LONP1: variants seen among roughly 807,000 people sequenced by gnomAD.
LONP1 encodes lon protease homolog, mitochondrial.
In LONP1, 31 loss-of-function variants were observed where a neutral mutation model predicts 98.5. The observed-to-expected ratio is 0.31, with a 90% CI of 0.24 to 0.42. The LOEUF is 0.42. Among genes scored for constraint, LONP1 ranks in the 20% least tolerant of loss-of-function variants. LONP1 has a pLI of 1.00. For missense variants in LONP1, 1,336 were observed against 1,350.6 expected, an observed-to-expected ratio of 0.99 and a Z score of 0.17; for synonymous variants, 781 against 594.7, an observed-to-expected ratio of 1.31 and a Z score of -4.56.
intron 8 of LONP1, among the ~76,000 whole-genome samples, chr19:5,702,260 G>A (rs1294076993): frequency 3.0e-5 from 4 of 133,750 alleles, no homozygotes; most frequent in Admixed American, 7.7e-5. Context: ...GTTGGGGGGG[G>A]GGTCAGCCCC....
At chr19:5,704,757 G>T (rs1006274) in intron 8 of LONP1, among the ~76,000 whole-genome samples, 31,208 of 152,214 alleles carry the variant, frequency 0.21, 3,402 homozygotes, top group Middle Eastern at 0.32. Flanking sequence ...CCCGGGCAAG[G>T]CCAGTGCTGC....
intron 5 of LONP1, chr19:5,708,031 T>G: frequency 1.6e-6 from 1 of 640,272 alleles, no homozygotes; most frequent in Non-Finnish European, 2.7e-6. Flanking sequence ...TGCAGCATCC[T>G]CACGTGCAGC....
chr19:5,720,171 T>G, upstream of LONP1: 1 of 1,385,328 alleles, frequency 7.2e-7, no homozygotes, highest in Non-Finnish European at 9.3e-7. Context: ...CTCGCGTCAT[T>G]TCCGCTCGCC....
At chr19:5,707,534 A>G (rs991849226) in intron 6 of LONP1, among the ~76,000 whole-genome samples, 163 bp downstream of exon 6, 2 of 152,130 alleles carry the variant, frequency 1.3e-5, no homozygotes, top group Admixed American at 1.3e-4. Context: ...TCAAAAACAG[A>G]GCCAGGGACA....
rs1414495718 is a variant in LONP1 at position 5,696,706 on chromosome 19, C to T, written c.1737G>A (p.Lys579=). The change falls in exon 11 of 18, where the codon AAG becomes AAA. Residue 579 remains lysine (K), a synonymous_variant. Coordinates refer to ENST00000360614, the MANE Select transcript of LONP1 (RefSeq NM_004793.4). ...GGATCAGGGGGTTCTCCGTCTTGGTCTTCTTCAAACACTGGATGATCTTCC... is the reference window on the plus strand; with the variant it reads ...GGATCAGGGGGTTCTCCGTCTTGGTTTTCTTCAAACACTGGATGATCTTCC... The part of the protein sequence containing the change: ...MPGKIIQCLK[K]TKTENPLILI... The T allele has an allele frequency of 5.6e-6, 9 of 1,613,552 alleles. No homozygotes were observed. Among genetic ancestry groups the T allele is most frequent in the Non-Finnish European group, 5.9e-6 (7 of 1,179,950 alleles).
At chr19:5,696,507 C>T (rs1015872970) in intron 11 of LONP1, 136 bp from the exon 12 acceptor site, 26 of 1,340,628 alleles carry the variant, frequency 1.9e-5, no homozygotes, top group African/African-American at 4.3e-5. Flanking sequence ...GGGCAGCCTG[C>T]TGGGCGTGGC....
chr19:5,711,225 G>A (rs545439757), intron 4 of LONP1, among the ~76,000 whole-genome samples: 5 of 152,334 alleles, frequency 3.3e-5, no homozygotes, highest in African/African-American at 9.6e-5. Flanking sequence ...CAGGCACACA[G>A]GTAAGGAGCT....
Position 5,711,983 on chromosome 19 carries a change from G to A in LONP1, c.658C>T (p.Leu220=). ...GHRRVHISRQ[L]EVEPEEPEAE... is the part of the protein sequence containing the mutation. ...TCCGGCTCCTCGGGCTCCACCTCCA[G>A]CTGTCTGCTGATATGGACTCTGACA... Residue 220 remains leucine, a synonymous_variant, in exon 4 of 18, where the codon CTG becomes TTG. Transcript: ENST00000360614. 1 of 1,612,820 alleles carries A rather than the reference G, an allele frequency of 6.2e-7. No individual in the cohort carries two copies. Among genetic ancestry groups the A allele is most frequent in the Non-Finnish European group, 8.5e-7 (1 of 1,179,846 alleles).
chr19:5,714,622 T>C (rs2055286588), intron 1 of LONP1, among the ~76,000 whole-genome samples: 2 of 147,630 alleles, frequency 1.4e-5, no homozygotes, highest in African/African-American at 2.5e-5. Flanking sequence ...GCTTTTCTTT[T>C]TTTTTTTTTT....
At chr19:5,708,564 C>T (rs1439156445) in intron 4 of LONP1, 161 bp from the exon 5 acceptor site, 2 of 379,138 alleles carry the variant, frequency 5.3e-6, no homozygotes, top group African/African-American at 2.4e-5. Flanking sequence ...TGGAGGAGTG[C>T]AGTCCCTGGT....
intron 1 of LONP1, among the ~76,000 whole-genome samples, chr19:5,716,259 C>CATATATATATATGTATAT (rs2055318123): frequency 1.3e-5 from 1 of 77,234 alleles, no homozygotes; most frequent in African/African-American, 5.3e-5. Context: ...TTAAAATATA[C>CATATATATATATGTATAT]ATATATATAT....
At position 5,699,013 on chromosome 19, in the gene LONP1, C is replaced by G; in HGVS notation, c.1685+14G>C. On this transcript the variant is annotated intron_variant, in intron 10 of 17. Coordinates refer to ENST00000360614, the MANE Select transcript of LONP1 (RefSeq NM_004793.4). ...GAGGGGAGTGCGTGGGGAGAGCTGT[C>G]AGGCCAGGCCTACCTGTGGCCCTTG... 1 of 1,591,910 alleles carries G rather than the reference C, an allele frequency of 6.3e-7. No individual in the cohort carries two copies. Among genetic ancestry groups the G allele is most frequent in the Non-Finnish European group, 8.6e-7 (1 of 1,166,772 alleles).
chr19:5,706,991 G>A (rs1235012950), intron 7 of LONP1, 69 bp downstream of exon 7: 1 of 1,337,754 alleles, frequency 7.5e-7, no homozygotes, highest in Non-Finnish European at 1.0e-6. Flanking sequence ...GTGCTCCAGA[G>A]CCTGACTGAT....
At position 5,696,184 on chromosome 19, in the gene LONP1, C is replaced by T; in HGVS notation, c.1897-14G>A. On this transcript the variant is annotated splice_polypyrimidine_tract_variant and intron_variant, in intron 12 of 17. Coordinates refer to ENST00000360614, the MANE Select transcript of LONP1 (RefSeq NM_004793.4). ...GATGAACAGCACCTGGGGGCGGCGG[C>T]AAGGTGCTGGGGGACTGGCCGCTTA... 6.2e-7 allele frequency: 1 copy of T among 1,612,878 alleles called. No individual in the cohort carries two copies. Among genetic ancestry groups the T allele is most frequent in the Non-Finnish European group, 8.5e-7 (1 of 1,179,870 alleles).
chr19:5,695,091 G>A (rs890751796), intron 13 of LONP1, among the ~76,000 whole-genome samples, 190 bp from the exon 14 acceptor site: 9 of 152,024 alleles, frequency 5.9e-5, no homozygotes, highest in African/African-American at 2.2e-4. Context: ...GCCTTTGCTT[G>A]TGCTGCGTCC....
Position 5,694,483 on chromosome 19 carries a change from G to C in LONP1, c.2224C>G (p.Leu742Val). The change falls in exon 15 of 18, where the codon CTG becomes GTG. Residue 742 changes from leucine (L) to valine (V), a missense_variant. Leu to Val is a conservative substitution (Grantham distance 32). Coordinates refer to ENST00000360614, the MANE Select transcript of LONP1 (RefSeq NM_004793.4). ...ACGGGCTTCCCCACGAAGTCCTGCA[G>C]GTTCTCGGGCGTCACCTCCACGGAC... is the stretch of plus-strand genomic sequence containing the variant. ...AESVEVTPENLQDFVGKPVFT... is the reference protein window; with the variant it reads ...AESVEVTPENVQDFVGKPVFT... 6.2e-7 allele frequency: 1 copy of C among 1,613,442 alleles called. No individual in the cohort carries two copies. Among genetic ancestry groups the C allele is most frequent in the Non-Finnish European group, 8.5e-7 (1 of 1,180,012 alleles).
intron 2 of LONP1, among the ~76,000 whole-genome samples, chr19:5,713,859 G>A (rs373727315): frequency 2.0e-5 from 3 of 152,102 alleles, no homozygotes; most frequent in Non-Finnish European, 2.9e-5. Flanking sequence ...CCCCACGCCC[G>A]GCCCATGGAA....
chr19:5,710,422 G>A (rs1045613488), intron 4 of LONP1, among the ~76,000 whole-genome samples: 1 of 150,666 alleles, frequency 6.6e-6, no homozygotes, highest in Admixed American at 6.6e-5. Flanking sequence ...TAGATACAGG[G>A]TCTCACTCTG....
chr19:5,692,621 A>C (rs907979227), intron 17 of LONP1, among the ~76,000 whole-genome samples: 1 of 152,060 alleles, frequency 6.6e-6, no homozygotes, highest in African/African-American at 2.4e-5. Flanking sequence ...CGGAGGCTAC[A>C]CATATCTGGA....
Sources: allele counts gnomAD v4.1 joint callset (sites outside exome capture counted in the v4.1 genomes callset), GRCh38; gene constraint gnomAD v4.1.1; transcripts MANE v1.5; gene names NCBI Gene and HGNC (gene_info 2026-07-23, HGNC 2026-07-21).